RASGRP3: variants seen among roughly 807,000 people sequenced by gnomAD.
The protein encoded by RASGRP3 is RAS guanyl releasing protein 3.
Under a neutral mutation model 82.7 loss-of-function variants are expected in RASGRP3, and 54 were observed. The observed-to-expected ratio is 0.65, with a 90% CI of 0.52 to 0.82. RASGRP3 has a LOEUF of 0.82. RASGRP3 is among the 40% of genes least tolerant of loss of function. The pLI, the probability that RASGRP3 is intolerant of heterozygous loss-of-function variation, is 0.00. For synonymous variants in RASGRP3, 309 were observed against 300.5 expected, an observed-to-expected ratio of 1.03 and a Z score of -0.29; for missense variants, 861 against 828.9, an observed-to-expected ratio of 1.04 and a Z score of -0.48.
intron 7 of RASGRP3, among the ~76,000 whole-genome samples, chr2:33,522,608 G>A (rs1230632389): frequency 1.3e-5 from 2 of 152,214 alleles, no homozygotes; most frequent in East Asian, 1.9e-4. Context: ...TCATCTTGAT[G>A]GAGCCTCATT....
intron 1 of RASGRP3, among the ~76,000 whole-genome samples, chr2:33,510,617 G>A (rs1410998671): frequency 6.6e-6 from 1 of 152,154 alleles, no homozygotes; most frequent in Non-Finnish European, 1.5e-5. Flanking sequence ...CAACTTAAAA[G>A]ACTTTTAATA....
At chr2:33,558,541 CTAAT>C (rs1040475645) in intron 16 of RASGRP3, 127 bp from the exon 17 acceptor site, 5 of 1,118,726 alleles carry the variant, frequency 4.5e-6, no homozygotes, top group South Asian at 1.6e-5. Context: ...TTGCCTGCGG[CTAAT>C]TGAGTTCTGT....
Position 33,539,133 on chromosome 2 carries a change from C to A in RASGRP3, c.1201C>A (p.Pro401Thr), listed in dbSNP as rs1317614176. The change falls in exon 12 of 18, where the codon CCC (proline) becomes ACC (threonine). Residue 401 changes from proline to threonine, a missense_variant. Physicochemically the swap from Pro to Thr is conservative, Grantham distance 38 (BLOSUM62 -1). Transcript: ENST00000403687. ...TACGACGCCCAACAAGCCTGTGGTACCCCTGGAGTGGGCATTAGGGGTGAT... is the reference window on the plus strand; with the variant it reads ...TACGACGCCCAACAAGCCTGTGGTAACCCTGGAGTGGGCATTAGGGGTGAT... The part of the protein sequence containing the change: ...SPTTPNKPVV[P>T]LEWALGVMPK... 6.2e-7 allele frequency: 1 copy of A among 1,611,476 alleles called. No homozygotes were observed.
At chr2:33,522,743 C>T (rs913960352) in intron 7 of RASGRP3, among the ~76,000 whole-genome samples, 2 of 152,186 alleles carry the variant, frequency 1.3e-5, no homozygotes, top group African/African-American at 4.8e-5. Flanking sequence ...TGCTTTGTCT[C>T]GCCAAGCTGT....
rs1324250614 is a variant in RASGRP3, at chr2:33,515,007, TAG to T, written c.-127_-126del. On this transcript the variant is annotated splice_acceptor_variant, in intron 2 of 17. Coordinates refer to ENST00000403687, the MANE Select transcript of RASGRP3 (RefSeq NM_001139488.2). LOFTEE classifies it low-confidence loss of function (5UTR_SPLICE). ...ACTTTCTCTCTTTTTTCTTTTTTTT[TAG>T]AGTTTTCTTGAAGTACAACTAAGGA... 1.2e-6 allele frequency: 1 copy of T among 803,764 alleles called. No homozygotes were observed. The highest frequency in any genetic ancestry group is 2.1e-6 in the Non-Finnish European group (1 of 479,938). 49.8% of individuals were successfully genotyped at this position (803,764 alleles called of 1,614,324 possible).
chr2:33,498,697 T>A (rs1669565138), intron 1 of RASGRP3, among the ~76,000 whole-genome samples: 1 of 152,224 alleles, frequency 6.6e-6, no homozygotes. Context: ...ATTCTCCTTC[T>A]TCTCTCTGCC....
chr2:33,535,297 T>C (rs1411580665), intron 11 of RASGRP3, among the ~76,000 whole-genome samples: 1 of 152,232 alleles, frequency 6.6e-6, no homozygotes, highest in African/African-American at 2.4e-5. Flanking sequence ...GGATGGACTA[T>C]ATTTTAGATA....
At chr2:33,449,803 A>G (rs374524846) in intron 2 of RASGRP3, among the ~76,000 whole-genome samples, 1 of 152,222 alleles carries the variant, frequency 6.6e-6, no homozygotes, top group African/African-American at 2.4e-5. Context: ...TTTATGATAT[A>G]TAGCAAATAC....
intron 7 of RASGRP3, among the ~76,000 whole-genome samples, chr2:33,523,654 G>C (rs1364774743): frequency 2.0e-5 from 3 of 152,128 alleles, no homozygotes; most frequent in Admixed American, 6.5e-5. Context: ...GTGATGTGTA[G>C]TAGTGGGTGT....
intron 2 of RASGRP3, among the ~76,000 whole-genome samples, chr2:33,456,272 T>G (rs534086015): frequency 6.6e-6 from 1 of 152,324 alleles, no homozygotes; most frequent in East Asian, 1.9e-4. Context: ...TTAATGATAG[T>G]CTTTACATTT....
intron 2 of RASGRP3, among the ~76,000 whole-genome samples, chr2:33,452,860 G>T (rs1665870732): frequency 6.6e-6 from 1 of 152,334 alleles, no homozygotes; most frequent in South Asian, 2.1e-4. Flanking sequence ...GGCCATAGGG[G>T]CTGGCCCAGC....
chr2:33,508,411 T>C (rs940271112), intron 1 of RASGRP3, among the ~76,000 whole-genome samples: 1 of 152,178 alleles, frequency 6.6e-6, no homozygotes, highest in Non-Finnish European at 1.5e-5. Context: ...TCACGTAACG[T>C]GGTCCCTGGG....
rs370534397 is a variant in RASGRP3, at chr2:33,555,688, C to T, written c.1579+121C>T. On this transcript the variant is annotated intron_variant, in intron 15 of 17. Coordinates refer to ENST00000403687, the MANE Select transcript of RASGRP3 (RefSeq NM_001139488.2). Reference sequence around the variant, plus strand: ...TCGGAATTTCAGTCTTTTGGGTCAACGGCAACTGAGAATGATTGCCTCTGA... The same window carrying T: ...TCGGAATTTCAGTCTTTTGGGTCAATGGCAACTGAGAATGATTGCCTCTGA... The T allele has an allele frequency of 4.3e-4, 365 of 853,190 alleles. 4 individuals carry two copies. The South Asian group carries it at 4.7e-3, about 11-fold the overall frequency. The allele number at this position is 853,190 out of a possible 1,614,324, so 52.9% of individuals were successfully genotyped here.
At chr2:33,518,267 A>T (rs1167104635) in intron 4 of RASGRP3, among the ~76,000 whole-genome samples, 1 of 152,232 alleles carries the variant, frequency 6.6e-6, no homozygotes, top group African/African-American at 2.4e-5. Context: ...ATGTCGCTGT[A>T]CTGAATTCTA....
chr2:33,541,158 A>G (rs1427919286), intron 12 of RASGRP3, among the ~76,000 whole-genome samples: 2 of 147,282 alleles, frequency 1.4e-5, no homozygotes, highest in African/African-American at 4.9e-5. Flanking sequence ...GCAGAGGGCA[A>G]TGGGAAACTT....
chr2:33,516,548 A>G lies in RASGRP3; in HGVS notation c.77A>G (p.Asn26Ser), dbSNP rs772223353. Residue 26 changes from asparagine (N) to serine (S), a missense_variant, in exon 4 of 18, where the codon AAT (asparagine) becomes AGT (serine). Coordinates refer to ENST00000403687, the MANE Select transcript of RASGRP3 (RefSeq NM_001139488.2). ...TGTTTTATTTTTCTAACAGATGACAATGGAGAGCTGGATAATAGTTATTTG... is the reference window on the plus strand; with the variant it reads ...TGTTTTATTTTTCTAACAGATGACAGTGGAGAGCTGGATAATAGTTATTTG... ...LCTCIEMFDD[N>S]GELDNSYLPR... 47 of 1,557,782 alleles carry G rather than the reference A, an allele frequency of 3.0e-5. No individual in the cohort carries two copies. In the South Asian group the frequency reaches 3.5e-4, roughly 11 times the overall value.
chr2:33,472,234 T>C (rs1393640236), upstream of RASGRP3, among the ~76,000 whole-genome samples: 1 of 152,202 alleles, frequency 6.6e-6, no homozygotes, highest in Non-Finnish European at 1.5e-5. Flanking sequence ...TTGTCTTAGA[T>C]TGGTAAAGTT....
At chr2:33,499,639 A>T (rs1669668622) in intron 1 of RASGRP3, among the ~76,000 whole-genome samples, 1 of 152,210 alleles carries the variant, frequency 6.6e-6, no homozygotes, top group Non-Finnish European at 1.5e-5. Context: ...GCATTTAAAA[A>T]ATCTGAAATA....
chr2:33,521,782 T>C (rs1233958681), intron 6 of RASGRP3, among the ~76,000 whole-genome samples, 173 bp from the exon 7 acceptor site: 2 of 152,230 alleles, frequency 1.3e-5, no homozygotes, highest in African/African-American at 4.8e-5. Context: ...ACTGCAAGTT[T>C]ATGTTCTGTT....
Sources: gnomAD v4.1 joint callset for allele counts (sites outside exome capture counted in the v4.1 genomes callset) on GRCh38, gnomAD v4.1.1 for gene constraint, MANE v1.5 for transcripts, NCBI Gene and HGNC (gene_info 2026-07-23, HGNC 2026-07-21) for gene names.